TMEM51: variants seen among roughly 807,000 people sequenced by gnomAD.
The protein encoded by TMEM51 is chromosome 1 open reading frame 72.
Under a neutral mutation model 13.6 loss-of-function variants are expected in TMEM51, and 8 were observed. That is an observed-to-expected ratio of 0.59 (90% CI 0.35 to 1.07). TMEM51 has a LOEUF of 1.07. Among genes scored for constraint, TMEM51 ranks in the 50% least tolerant of loss-of-function variants. The pLI, the probability that TMEM51 is intolerant of heterozygous loss-of-function variation, is 0.02. For synonymous variants in TMEM51, 147 were observed against 144.4 expected (o/e 1.02, Z -0.13); for missense variants, 279 against 330.7 (o/e 0.84, Z 1.21).
Position 15,189,334 on chromosome 1 carries a change from G to A in TMEM51, c.-266-21156G>A, listed in dbSNP as rs576729061. On this transcript the variant is annotated intron_variant, in intron 1 of 3. Transcript: ENST00000376008. Reference sequence around the variant, plus strand: ...GCCTCCCAAAGTGCTGGGATTACAGGCGTGAGCTACCTCGCCCAGCCATTG... The same window carrying A: ...GCCTCCCAAAGTGCTGGGATTACAGACGTGAGCTACCTCGCCCAGCCATTG... 3.3e-5 allele frequency among the ~76,000 whole-genome samples: 5 copies of A among 150,434 alleles called. No individual in the cohort carries two copies. The South Asian group carries it at 1.1e-3, about 32-fold the overall frequency.
chr1:15,153,491 C>A (rs1642466182), upstream of TMEM51, among the ~76,000 whole-genome samples: 1 of 149,724 alleles, frequency 6.7e-6, no homozygotes, highest in African/African-American at 2.5e-5. Context: ...CCCCTCTTAT[C>A]CAACTCGGCT....
intron 2 of TMEM51, among the ~76,000 whole-genome samples, chr1:15,213,630 C>T (rs973176468): frequency 2.6e-5 from 4 of 152,162 alleles, no homozygotes; most frequent in Non-Finnish European, 5.9e-5. Flanking sequence ...CTGTGGAATC[C>T]CAGGACCGCT....
intron 1 of TMEM51, among the ~76,000 whole-genome samples, chr1:15,154,375 T>TGGA (rs1642513637): frequency 6.6e-6 from 1 of 152,220 alleles, no homozygotes; most frequent in South Asian, 2.1e-4. Context: ...CCTTACTGTA[T>TGGA]GGAAGTCGGG....
intron 1 of TMEM51, among the ~76,000 whole-genome samples, chr1:15,191,592 T>C (rs2100273646): frequency 6.6e-6 from 1 of 152,338 alleles, no homozygotes; most frequent in South Asian, 2.1e-4. Context: ...GAGAGTTTCC[T>C]TCATCTGCCC....
intron 1 of TMEM51, among the ~76,000 whole-genome samples, chr1:15,173,345 G>C (rs754849291): frequency 6.7e-6 from 1 of 150,048 alleles, no homozygotes; most frequent in African/African-American, 2.5e-5. Flanking sequence ...TCAGCCTTCC[G>C]AGTAGCTGGG....
intron 1 of TMEM51, among the ~76,000 whole-genome samples, chr1:15,208,954 A>G (rs1429510853): frequency 6.6e-6 from 1 of 152,156 alleles, no homozygotes; most frequent in Non-Finnish European, 1.5e-5. Context: ...TATATAAGAT[A>G]TATGTGAATT....
intron 1 of TMEM51, among the ~76,000 whole-genome samples, chr1:15,182,663 G>GC (rs1643657487): frequency 6.6e-6 from 1 of 152,212 alleles, no homozygotes; most frequent in African/African-American, 2.4e-5. Flanking sequence ...GGCAAGAAGG[G>GC]CCATAGAAGG....
chr1:15,185,499 CT>C lies in TMEM51; in HGVS notation c.-266-24989del, dbSNP rs771553736. On this transcript the variant is annotated intron_variant, in intron 1 of 3. Transcript: ENST00000376008. ...TACTTCTTGGAAGTGGGGAAATCCCCTTATAATAAGTAGTCTCTTCTTCATT... is the reference window on the plus strand; with the variant it reads ...TACTTCTTGGAAGTGGGGAAATCCCCTATAATAAGTAGTCTCTTCTTCATT... Among the ~76,000 whole-genome samples the C allele has an allele frequency of 2.6e-4, 40 of 152,202 alleles. 1 individual carries two copies. The highest frequency in any genetic ancestry group is 2.4e-3 in the Admixed American group (36 of 15,286).
intron 1 of TMEM51, among the ~76,000 whole-genome samples, chr1:15,200,407 CAAAAAA>C (rs55755539): frequency 0.038 from 2,567 of 67,922 alleles, 86 homozygotes; most frequent in Admixed American, 0.15. Flanking sequence ...GACTCTGTCT[CAAAAAA>C]AAAAAAAAAA....
intron 1 of TMEM51, among the ~76,000 whole-genome samples, chr1:15,204,605 T>G (rs968296805): frequency 1.3e-5 from 2 of 152,188 alleles, no homozygotes; most frequent in African/African-American, 4.8e-5. Flanking sequence ...TGCTGCTCCG[T>G]GAATGAGGAC....
rs180682640 is a variant in TMEM51 at position 15,170,882 on chromosome 1, C to G, written c.-267+16928C>G. Among the ~76,000 whole-genome samples the G allele has an allele frequency of 5.9e-3, 904 of 152,260 alleles. 5 individuals are homozygous for G. Among genetic ancestry groups the G allele is most frequent in the African/African-American group, 0.021 (868 of 41,556 alleles). ...CAGCTGGGACTACAGGCGCCCTCCA[C>G]CACGCCTGGCTAATTTTTTGTATTT... On this transcript the variant is annotated intron_variant, in intron 1 of 3. Transcript: ENST00000376008.
intron 1 of TMEM51, among the ~76,000 whole-genome samples, chr1:15,172,645 C>T (rs1009800648): frequency 1.3e-5 from 2 of 152,236 alleles, no homozygotes; most frequent in African/African-American, 2.4e-5. Flanking sequence ...CCTATATTGT[C>T]TACAAGAGTT....
intron 1 of TMEM51, among the ~76,000 whole-genome samples, chr1:15,189,154 C>T (rs1367108860): frequency 1.3e-5 from 2 of 151,762 alleles, no homozygotes; most frequent in African/African-American, 2.4e-5. Context: ...ATTCTCCCAC[C>T]TCAGCCTCCC....
intron 2 of TMEM51, among the ~76,000 whole-genome samples, chr1:15,211,935 G>A (rs569196613): frequency 1.3e-5 from 2 of 148,740 alleles, no homozygotes; most frequent in South Asian, 4.2e-4. Flanking sequence ...ATTCATCTGT[G>A]TATGGAGAAT....
intron 1 of TMEM51, among the ~76,000 whole-genome samples, chr1:15,176,977 C>T (rs1643473925): frequency 6.6e-6 from 1 of 152,148 alleles, no homozygotes; most frequent in African/African-American, 2.4e-5. Context: ...GCCAACTGAA[C>T]ATGGATATGG....
intron 1 of TMEM51, among the ~76,000 whole-genome samples, chr1:15,172,300 C>T: frequency 6.6e-6 from 1 of 150,500 alleles, no homozygotes; most frequent in East Asian, 2.0e-4. Context: ...GGTAGGGTCA[C>T]CTGACCCTGG....
chr1:15,164,469 G>A lies in TMEM51; in HGVS notation c.-267+10515G>A, dbSNP rs868711976. On this transcript the variant is annotated intron_variant, in intron 1 of 3. Coordinates refer to ENST00000376008, the MANE Select transcript of TMEM51 (RefSeq NM_001136218.2). ...GGGTTTTGGGAAAGAATCCTACAAA[G>A]GTGAAGTGTGCTTCTCACTGAATCA... The A allele has an allele frequency of 4.6e-5, 21 of 455,932 alleles. No individual in the cohort carries two copies. The Middle Eastern group carries it at 9.7e-4, about 21-fold the overall frequency. 28.2% of individuals were successfully genotyped at this position (455,932 alleles called of 1,614,324 possible).
intron 1 of TMEM51, among the ~76,000 whole-genome samples, chr1:15,172,485 G>C (rs1370747305): frequency 5.9e-5 from 9 of 151,282 alleles, no homozygotes; most frequent in African/African-American, 1.9e-4. Flanking sequence ...AAAAAAGAAA[G>C]AGAAGAAGGA....
chr1:15,198,565 C>T lies in TMEM51; in HGVS notation c.-266-11925C>T, dbSNP rs147450604. Among the ~76,000 whole-genome samples the T allele has an allele frequency of 3.2e-3, 485 of 152,050 alleles. 4 individuals carry two copies. The highest frequency in any genetic ancestry group is 0.011 in the African/African-American group (466 of 41,482). On this transcript the variant is annotated intron_variant, in intron 1 of 3. Transcript: ENST00000376008. ...CCCGAGTAGCTGGGACTACAGGTGT[C>T]CGCCACCACGCCTGGCTAATTTTTG...
Sources: allele counts gnomAD v4.1 joint callset (sites outside exome capture counted in the v4.1 genomes callset), GRCh38; gene constraint gnomAD v4.1.1; transcripts MANE v1.5; gene names NCBI Gene and HGNC (gene_info 2026-07-23, HGNC 2026-07-21).